Variants in ZNF385D observed in about 807,000 individuals in gnomAD.
ZNF385D encodes zinc finger protein 385D.
In ZNF385D, 15 loss-of-function variants were observed where a neutral mutation model predicts 35.8. The observed-to-expected ratio is 0.42, with a 90% confidence interval of 0.28 to 0.64. ZNF385D has a LOEUF of 0.64. Ranked by LOEUF, ZNF385D falls within the 30% of genes least tolerant of loss-of-function variation. The pLI, the probability that ZNF385D is intolerant of heterozygous loss-of-function variation, is 0.23. For synonymous variants in ZNF385D, 212 were observed against 186.8 expected (o/e 1.13, Z -1.10); for missense variants, 474 against 494.6 (o/e 0.96, Z 0.39).
intron 3 of ZNF385D, among the ~76,000 whole-genome samples, chr3:22,140,325 A>G (rs1251574394): frequency 6.6e-6 from 1 of 152,212 alleles, no homozygotes; most frequent in Non-Finnish European, 1.5e-5. Context: ...TTCTGGAAGA[A>G]TAACATTATA....
At chr3:21,443,352 C>T (rs1294533477) in intron 4 of ZNF385D, 1 of 985,334 alleles carries the variant, frequency 1.0e-6, no homozygotes, top group Non-Finnish European at 1.2e-6. Flanking sequence ...CTAGGCGAAA[C>T]TTGATACATA....
At chr3:22,145,420 C>T (rs1308202293) in intron 3 of ZNF385D, among the ~76,000 whole-genome samples, 1 of 152,232 alleles carries the variant, frequency 6.6e-6, no homozygotes, top group Non-Finnish European at 1.5e-5. Context: ...GAAGTCTCCT[C>T]TCTTCATACA....
intron 3 of ZNF385D, among the ~76,000 whole-genome samples, chr3:21,773,761 C>CAAAAA (rs34517595): frequency 6.8e-6 from 1 of 146,972 alleles, no homozygotes. Context: ...ATTAAAAAGT[C>CAAAAA]AAAAAAAAAA....
chr3:22,030,287 A>ATGTATATATATATATGTATG (rs1407044673), intron 3 of ZNF385D, among the ~76,000 whole-genome samples: 1 of 97,436 alleles, frequency 1.0e-5, no homozygotes, highest in East Asian at 3.4e-4. Context: ...ATATATATAT[A>ATGTATATATATATATGTATG]TATATATATA....
intron 3 of ZNF385D, among the ~76,000 whole-genome samples, chr3:21,989,443 T>C (rs1026976063): frequency 2.0e-5 from 3 of 152,092 alleles, no homozygotes; most frequent in Admixed American, 6.5e-5. Flanking sequence ...AGTCGGAAAC[T>C]AATTATTTGT....
chr3:21,800,263 G>T (rs1038136547), intron 3 of ZNF385D, among the ~76,000 whole-genome samples: 1 of 152,066 alleles, frequency 6.6e-6, no homozygotes, highest in Non-Finnish European at 1.5e-5. Flanking sequence ...AGATCTATGT[G>T]TTCATTTACA....
At chr3:22,182,935 T>C (rs368295243) in intron 2 of ZNF385D, among the ~76,000 whole-genome samples, 1 of 152,030 alleles carries the variant, frequency 6.6e-6, no homozygotes, top group East Asian at 1.9e-4. Flanking sequence ...AAGCTCCAAA[T>C]AGAGAAATGA....
intron 3 of ZNF385D, among the ~76,000 whole-genome samples, chr3:22,093,837 T>A (rs1200016953): frequency 6.6e-6 from 1 of 152,176 alleles, no homozygotes; most frequent in Non-Finnish European, 1.5e-5. Flanking sequence ...TACTAAGATT[T>A]ACTATATGTG....
chr3:21,487,236 T>C (rs1705100194), intron 4 of ZNF385D, among the ~76,000 whole-genome samples: 1 of 152,136 alleles, frequency 6.6e-6, no homozygotes, highest in Non-Finnish European at 1.5e-5. Context: ...TCTAACTCTT[T>C]AACATTCCAT....
intron 3 of ZNF385D, among the ~76,000 whole-genome samples, chr3:21,976,255 G>C (rs56152519): frequency 0.15 from 23,053 of 152,018 alleles, 1,883 homozygotes; most frequent in Middle Eastern, 0.23. Flanking sequence ...TTTTTTTAGA[G>C]ATATTAAGTA....
At chr3:21,989,164 A>T (rs1317620295) in intron 3 of ZNF385D, among the ~76,000 whole-genome samples, 3 of 152,160 alleles carry the variant, frequency 2.0e-5, no homozygotes, top group Non-Finnish European at 4.4e-5. Context: ...CTATTCGGCC[A>T]TCTTGGCTCC....
intron 3 of ZNF385D, among the ~76,000 whole-genome samples, chr3:22,075,707 G>T (rs748565979): frequency 1.3e-5 from 2 of 151,594 alleles, no homozygotes; most frequent in Non-Finnish European, 2.9e-5. Flanking sequence ...ACATTCTCTT[G>T]GCTTTAAATA....
intron 3 of ZNF385D, among the ~76,000 whole-genome samples, chr3:21,864,972 C>A (rs1040998147): frequency 2.5e-4 from 30 of 122,122 alleles, no homozygotes; most frequent in African/African-American, 9.1e-4. Context: ...GAGCAGCCAA[C>A]CTACGTTTGG....
chr3:21,982,199 T>C (rs1042120309), intron 3 of ZNF385D, among the ~76,000 whole-genome samples: 1 of 151,988 alleles, frequency 6.6e-6, no homozygotes, highest in Non-Finnish European at 1.5e-5. Flanking sequence ...TTCTTCCTAT[T>C]CATGAGCGTG....
intron 2 of ZNF385D, among the ~76,000 whole-genome samples, chr3:22,218,343 A>C (rs1015941846): frequency 6.6e-6 from 1 of 151,696 alleles, no homozygotes; most frequent in Non-Finnish European, 1.5e-5. Flanking sequence ...TCTTTTAAAA[A>C]ATTATTGCTG....
At chr3:21,790,215 A>C (rs886995802) in intron 3 of ZNF385D, among the ~76,000 whole-genome samples, 5 of 150,818 alleles carry the variant, frequency 3.3e-5, no homozygotes, top group African/African-American at 1.2e-4. Context: ...AACTCTTTCA[A>C]TATTCTGAGC....
intron 4 of ZNF385D, among the ~76,000 whole-genome samples, chr3:21,483,673 T>C (rs1253533002): frequency 6.6e-6 from 1 of 152,192 alleles, no homozygotes; most frequent in Admixed American, 6.5e-5. Context: ...TAGCTAATAA[T>C]GTGGAATATC....
At chr3:21,481,987 A>G (rs924783474) in intron 4 of ZNF385D, among the ~76,000 whole-genome samples, 2 of 152,090 alleles carry the variant, frequency 1.3e-5, no homozygotes, top group African/African-American at 2.4e-5. Context: ...TTCCCAGTGT[A>G]TGGTTTCCAG....
intron 2 of ZNF385D, among the ~76,000 whole-genome samples, chr3:22,300,943 C>A (rs890750956): frequency 1.3e-5 from 2 of 152,042 alleles, no homozygotes; most frequent in South Asian, 4.1e-4. Context: ...GGGTATATAT[C>A]CAAAGGAATT....
Sources: allele counts gnomAD v4.1 joint callset (sites outside exome capture counted in the v4.1 genomes callset), GRCh38; gene constraint gnomAD v4.1.1; transcripts MANE v1.5; gene names NCBI Gene and HGNC (gene_info 2026-07-23, HGNC 2026-07-21).